The following E2F1 variants were observed in gnomAD, a reference collection of about 807,000 sequenced individuals.
E2F1 encodes the protein transcription factor E2F1.
A neutral mutation model predicts 36.9 loss-of-function variants in E2F1; 7 were observed. That is an observed-to-expected ratio of 0.19 (90% CI 0.11 to 0.36). E2F1 has a LOEUF of 0.36. Ranked by LOEUF, E2F1 falls within the 10% of genes least tolerant of loss-of-function variation. E2F1 has a pLI of 1.00. For missense variants in E2F1, 406 were observed against 573.6 expected, an observed-to-expected ratio of 0.71 and a Z score of 2.99; for synonymous variants, 261 against 263.1, an observed-to-expected ratio of 0.99 and a Z score of 0.08.
intron 3 of E2F1, 64 bp from the exon 4 acceptor site, chr20:33,678,417 G>A (rs935776813): frequency 2.3e-5 from 36 of 1,590,496 alleles, no homozygotes; most frequent in Middle Eastern, 2.3e-4. Context: ...AGGAGCCCTG[G>A]GCCTCAGGAC....
rs2017975901 is a variant in E2F1, at chr20:33,677,432, A to G, written c.834T>C (p.Ser278=). ...CGGAGTTCCCAGATCTCACCTCCGA[A>G]GAGTCCACGGCTTGGAGCTGGGTCT... ...PPETQLQAVD[S]SENFQISLKS... is the part of the protein sequence containing the mutation. The change falls in exon 5 of 7, where the codon TCT becomes TCC. Residue 278 remains serine, a synonymous_variant. Transcript: ENST00000343380. The G allele has an allele frequency of 1.2e-6, 2 of 1,613,646 alleles. No individual in the cohort carries two copies. The highest frequency in any genetic ancestry group is 8.5e-7 in the Non-Finnish European group (1 of 1,179,702).
At chr20:33,681,714 G>A (rs1008861389) in intron 1 of E2F1, among the ~76,000 whole-genome samples, 1 of 152,136 alleles carries the variant, frequency 6.6e-6, no homozygotes, top group Admixed American at 6.5e-5. Flanking sequence ...CTGAGCTAGA[G>A]TTCCTGACCT....
chr20:33,684,477 C>A (rs574599939), intron 1 of E2F1, among the ~76,000 whole-genome samples: 2 of 152,112 alleles, frequency 1.3e-5, no homozygotes, highest in Admixed American at 6.5e-5. Context: ...GTATCAGCAT[C>A]CCCAGAAAGC....
At chr20:33,680,500 C>T in intron 1 of E2F1, 84 bp from the exon 2 acceptor site, 1 of 1,225,490 alleles carries the variant, frequency 8.2e-7, no homozygotes, top group African/African-American at 1.5e-5. Flanking sequence ...TCTGGGCTAC[C>T]CTCGCCTCAG....
At position 33,676,843 on chromosome 20, in the gene E2F1, G is replaced by A. The variant is rs1478985547; in HGVS notation, c.1203C>T (p.Ser401=). 6.3e-7 allele frequency: 1 copy of A among 1,593,290 alleles called. No individual in the cohort carries two copies. Among genetic ancestry groups the A allele is most frequent in the Non-Finnish European group, 8.6e-7 (1 of 1,169,026 alleles). The change falls in exon 7 of 7, where the codon AGC becomes AGT. Residue 401 remains serine, a synonymous_variant. Coordinates refer to ENST00000343380, the MANE Select transcript of E2F1 (RefSeq NM_005225.3). ...CGAGGGCCTCGTGGGGTGGGGAAAG[G>A]CTGATGAACTCCTCAGGGAGGAGGC... The part of the protein sequence containing the change: ...FSGLLPEEFI[S]LSPPHEALDY...
In E2F1 at chr20:33,676,893, C is replaced by T; in HGVS notation, c.1153G>A (p.Glu385Lys). The T allele has an allele frequency of 6.4e-7, 1 of 1,573,244 alleles. No individual in the cohort carries two copies. Among genetic ancestry groups the T allele is most frequent in the Non-Finnish European group, 8.6e-7 (1 of 1,158,288 alleles). The part of the protein sequence containing the change: ...SPLVAADSLL[E>K]HVREDFSGLL... ...CCGGAGAAGTCCTCCCGCACATGCT[C>T]CAGGAGCGAGTCGGCCGCCACCAGC... Residue 385 changes from glutamate to lysine, a missense_variant, in exon 7 of 7, where the codon GAG (glutamate) becomes AAG (lysine). Around this residue, in one of 5 missense-constraint regions of E2F1, gnomAD observed 163 missense variants for 181.5 expected, o/e 0.90. Transcript: ENST00000343380.
Position 33,679,676 on chromosome 20 carries a change from G to T in E2F1, c.572+79C>A. The T allele has an allele frequency of 7.4e-7, 1 of 1,349,386 alleles. No individual in the cohort carries two copies. Among genetic ancestry groups the T allele is most frequent in the Non-Finnish European group, 1.1e-6 (1 of 942,164 alleles). 83.6% of individuals were successfully genotyped at this position (1,349,386 alleles called of 1,614,324 possible). ...CAGCTATAAGATGGGGATGCAGGCAGCCACAGTGGGTATTACTACCAGCTC... is the reference window on the plus strand; with the variant it reads ...CAGCTATAAGATGGGGATGCAGGCATCCACAGTGGGTATTACTACCAGCTC... On this transcript the variant is annotated intron_variant, in intron 3 of 6. Transcript: ENST00000343380. This position sits in a 1 kb window ranked among gnomAD's most constrained non-coding sequence, Gnocchi z 4.6.
At chr20:33,680,056 G>A (rs2122546446) in intron 2 of E2F1, 82 bp from the exon 3 acceptor site, 2 of 1,239,334 alleles carry the variant, frequency 1.6e-6, no homozygotes, top group South Asian at 1.3e-5. Flanking sequence ...TGGCAGTGCA[G>A]GGCAGCAGGA....
In E2F1 at chr20:33,686,165, C is replaced by T; in HGVS notation, c.100G>A (p.Val34Ile). Residue 34 changes from valine (V) to isoleucine (I), a missense_variant, in exon 1 of 7, where the codon GTC becomes ATC. Coordinates refer to ENST00000343380, the MANE Select transcript of E2F1 (RefSeq NM_005225.3). ...GCGTCCTGCGCGGCGGAGATGATGA[C>T]GATCTGCGAGGAGTCGAGCAGCCGC... ...ALRLLDSSQI[V>I]IISAAQDASA... 3.8e-6 allele frequency: 4 copies of T among 1,058,144 alleles called. No individual in the cohort carries two copies. Among genetic ancestry groups the T allele is most frequent in the Non-Finnish European group, 3.4e-6 (3 of 878,328 alleles). The allele number at this position is 1,058,144 out of a possible 1,614,324, so 65.5% of individuals were successfully genotyped here.
In E2F1 at chr20:33,686,178, G is replaced by A; in HGVS notation, c.87C>T (p.Asp29=). 9.5e-7 allele frequency: 1 copy of A among 1,051,396 alleles called. No homozygotes were observed. The allele number at this position is 1,051,396 out of a possible 1,614,324, so 65.1% of individuals were successfully genotyped here. ...LLGAGALRLL[D]SSQIVIISAA... ...CGGAGATGATGACGATCTGCGAGGAGTCGAGCAGCCGCAGCGCGCCGGCCC... is the reference window on the plus strand; with the variant it reads ...CGGAGATGATGACGATCTGCGAGGAATCGAGCAGCCGCAGCGCGCCGGCCC... The change falls in exon 1 of 7, where the codon GAC becomes GAT. Residue 29 remains aspartate, a synonymous_variant. Transcript: ENST00000343380.
At position 33,679,224 on chromosome 20, in the gene E2F1, G is replaced by C. The variant is rs2017996933; in HGVS notation, c.572+531C>G. ...GTTGAAAATGCTCTTATCTTGATCT[G>C]AATGGTGGCAACCCAGATGAATAAA... On this transcript the variant is annotated intron_variant, in intron 3 of 6. Coordinates refer to ENST00000343380, the MANE Select transcript of E2F1 (RefSeq NM_005225.3). This position sits in a 1 kb window ranked among gnomAD's most constrained non-coding sequence, Gnocchi z 4.6. Among the ~76,000 whole-genome samples the C allele has an allele frequency of 6.6e-6, 1 of 152,232 alleles. No individual in the cohort carries two copies. Among genetic ancestry groups the C allele is most frequent in the Non-Finnish European group, 1.5e-5 (1 of 68,042 alleles).
In E2F1 at chr20:33,680,879, T is replaced by C. The variant is rs567496371; in HGVS notation, c.262-463A>G. The stretch of plus-strand genomic sequence containing the variant: ...AGCCCTAATGATGGGCAAGAAACCA[T>C]GGCCTCCTCCCAACAGCAACACTTA... On this transcript the variant is annotated intron_variant, in intron 1 of 6. Transcript: ENST00000343380. 7.9e-5 allele frequency among the ~76,000 whole-genome samples: 12 copies of C among 152,258 alleles called. No individual in the cohort carries two copies. In the South Asian group the frequency reaches 8.3e-4, roughly 11 times the overall value.
Position 33,677,160 on chromosome 20 carries a change from AGAT to A in E2F1, c.1008_1010del (p.Ser337del), listed in dbSNP as rs747031927. ...GATCTGTGGTGAGGGATGAGGGGGG[AGAT>A]GATGGTGGTGGTGACACTATGGTGG... On this transcript the variant is annotated inframe_deletion, in exon 6 of 7. Transcript: ENST00000343380. The A allele has an allele frequency of 1.7e-5, 27 of 1,602,210 alleles. No individual in the cohort carries two copies. The Admixed American group carries it at 2.9e-4, about 17-fold the overall frequency.
chr20:33,681,237 CT>C (rs1247478023), intron 1 of E2F1, among the ~76,000 whole-genome samples: 1 of 152,058 alleles, frequency 6.6e-6, no homozygotes, highest in Non-Finnish European at 1.5e-5. Context: ...TGGGGTCTCC[CT>C]ATGTTGCCCA....
chr20:33,679,603 C>A lies in E2F1; in HGVS notation c.572+152G>T. 1 of 678,738 alleles carries A rather than the reference C, an allele frequency of 1.5e-6. No individual in the cohort carries two copies. 42.0% of individuals were successfully genotyped at this position (678,738 alleles called of 1,614,324 possible). A position where few individuals can be genotyped will look rare whatever the true frequency, so the allele number is the denominator to read the frequency against. On this transcript the variant is annotated intron_variant, in intron 3 of 6. Coordinates refer to ENST00000343380, the MANE Select transcript of E2F1 (RefSeq NM_005225.3). This position sits in a 1 kb window ranked among gnomAD's most constrained non-coding sequence, Gnocchi z 4.6. ...TATGTAAGATTTGTGTGCTTTTTAC[C>A]ATCTATCATCTCAGGGAAGCTACCT...
intron 3 of E2F1, among the ~76,000 whole-genome samples, chr20:33,678,627 A>G (rs1251874809): frequency 6.6e-6 from 1 of 151,878 alleles, no homozygotes; most frequent in Non-Finnish European, 1.5e-5. Context: ...ACATGCACAC[A>G]CACATGCATT....
Position 33,676,618 on chromosome 20 carries a change from G to A in E2F1, c.*114C>T, listed in dbSNP as rs1323908239. ...TAGAAGCTTCTGGAGACAGAGGAGAGGGGTATAAATTAAATGTTTCCAAAC... is the reference window on the plus strand; with the variant it reads ...TAGAAGCTTCTGGAGACAGAGGAGAAGGGTATAAATTAAATGTTTCCAAAC... On this transcript the variant is annotated 3_prime_UTR_variant, in exon 7 of 7. Transcript: ENST00000343380. 9 of 1,409,740 alleles carry A rather than the reference G, an allele frequency of 6.4e-6. No individual in the cohort carries two copies. Among genetic ancestry groups the A allele is most frequent in the Non-Finnish European group, 8.5e-6 (9 of 1,060,704 alleles). The allele number at this position is 1,409,740 out of a possible 1,614,324, so 87.3% of individuals were successfully genotyped here.
intron 5 of E2F1, 46 bp from the exon 6 acceptor site, chr20:33,677,376 C>A: frequency 6.2e-7 from 1 of 1,601,968 alleles, no homozygotes; most frequent in South Asian, 1.1e-5. Context: ...CAGGTGACCA[C>A]CAGCCCAGCC....
Position 33,679,768 on chromosome 20 carries a change from G to A in E2F1, c.559C>T (p.His187Tyr). Residue 187 changes from histidine to tyrosine, a missense_variant, in exon 3 of 7, where the codon CAC becomes TAC. Around this residue, in one of 5 missense-constraint regions of E2F1, gnomAD observed 5 missense variants for 42.8 expected, o/e 0.12. Coordinates refer to ENST00000343380, the MANE Select transcript of E2F1 (RefSeq NM_005225.3). The surrounding 1 kb of genome is among the most constrained non-coding windows in gnomAD (Gnocchi z 4.6). Reference sequence around the variant, plus strand: ...GCCGGTACCTACAGCCACTGGATGTGGTTCTTGGACTTCTTGGCAATGAGC... The same window carrying A: ...GCCGGTACCTACAGCCACTGGATGTAGTTCTTGGACTTCTTGGCAATGAGC... The part of the protein sequence containing the change: ...IQLIAKKSKN[H>Y]IQWLGSHTTV... The A allele has an allele frequency of 6.2e-7, 1 of 1,613,506 alleles. No individual in the cohort carries two copies. The highest frequency in any genetic ancestry group is 8.5e-7 in the Non-Finnish European group (1 of 1,180,016).
Sources: allele counts gnomAD v4.1 joint callset (sites outside exome capture counted in the v4.1 genomes callset), GRCh38; gene constraint gnomAD v4.1.1; regional missense constraint gnomAD v4.1.1; non-coding constraint Gnocchi (gnomAD v3.1); transcripts MANE v1.5; gene names NCBI Gene and HGNC (gene_info 2026-07-23, HGNC 2026-07-21).